The following STAG1 variants were observed in gnomAD, a reference collection of about 807,000 sequenced individuals.
STAG1 encodes the protein STAG1 cohesin complex component, also known as cohesin subunit SA-1.
In STAG1, 26 loss-of-function variants were observed where a neutral mutation model predicts 170.9. That is an observed-to-expected ratio of 0.15 (90% confidence interval 0.11 to 0.21). The LOEUF (loss-of-function observed/expected upper bound fraction) is 0.21, where lower values mean the gene tolerates loss of function less well. STAG1 is among the 10% of genes least tolerant of loss of function. STAG1 has a pLI of 1.00. For synonymous variants in STAG1, 514 were observed against 497.7 expected (o/e 1.03, Z -0.44); for missense variants, 964 against 1,509.5 (o/e 0.64, Z 5.99).
At chr3:136,468,617 A>T (rs934938116) in intron 12 of STAG1, among the ~76,000 whole-genome samples, 3 of 152,230 alleles carry the variant, frequency 2.0e-5, no homozygotes, top group African/African-American at 7.2e-5. Context: ...AAACTATTCC[A>T]ATCAACAGAA....
intron 4 of STAG1, among the ~76,000 whole-genome samples, chr3:136,572,530 T>G (rs1937300010): frequency 7.2e-6 from 1 of 138,102 alleles, no homozygotes; most frequent in Non-Finnish European, 1.5e-5. Flanking sequence ...AGGTGGAGGT[T>G]GAGGAGGAAG....
At chr3:136,536,338 C>T (rs1935620141) in intron 6 of STAG1, among the ~76,000 whole-genome samples, 1 of 152,042 alleles carries the variant, frequency 6.6e-6, no homozygotes, top group Admixed American at 6.6e-5. Flanking sequence ...AATTATATGA[C>T]CAGGGTTGTC....
chr3:136,507,687 T>C (rs1394280639), intron 7 of STAG1, among the ~76,000 whole-genome samples: 2 of 152,182 alleles, frequency 1.3e-5, no homozygotes, highest in African/African-American at 4.8e-5. Flanking sequence ...TTTTAAATCA[T>C]GTGACTATAT....
intron 26 of STAG1, among the ~76,000 whole-genome samples, chr3:136,362,605 C>CAAAAAAAAAAAAAAA (rs1237413699): frequency 2.4e-5 from 1 of 42,438 alleles, no homozygotes; most frequent in Non-Finnish European, 5.0e-5. Flanking sequence ...ATCATCTCTG[C>CAAAAAAAAAAAAAAA]AAAAAAAAAA....
At chr3:136,349,107 A>G (rs1464137413) in intron 29 of STAG1, 51 bp downstream of exon 29, 4 of 1,303,718 alleles carry the variant, frequency 3.1e-6, no homozygotes, top group Non-Finnish European at 4.4e-6. Flanking sequence ...TTACTACTTT[A>G]TCTCTTTAAA....
chr3:136,418,819 T>A (rs1418785997), intron 20 of STAG1, among the ~76,000 whole-genome samples: 1 of 151,964 alleles, frequency 6.6e-6, no homozygotes, highest in Admixed American at 6.6e-5. Flanking sequence ...TTTTTGTATT[T>A]TTGTAGACAT....
intron 6 of STAG1, among the ~76,000 whole-genome samples, chr3:136,523,327 G>A (rs527457684): frequency 2.9e-4 from 44 of 152,264 alleles, no homozygotes; most frequent in African/African-American, 1.0e-3. Flanking sequence ...CAGAGATAAT[G>A]AGCATTTTTT....
At chr3:136,645,148 T>C (rs368462719) in intron 1 of STAG1, among the ~76,000 whole-genome samples, 17 of 152,348 alleles carry the variant, frequency 1.1e-4, no homozygotes, top group Middle Eastern at 6.8e-3. Flanking sequence ...TTTTGCTTTT[T>C]AAGTCCCAAA....
intron 3 of STAG1, among the ~76,000 whole-genome samples, chr3:136,608,678 C>G (rs1576662151): frequency 6.7e-6 from 1 of 149,816 alleles, no homozygotes; most frequent in African/African-American, 2.5e-5. Flanking sequence ...GTAGTGTGTG[C>G]CTGTAGTCCC....
At chr3:136,603,345 G>C (rs1316221946) in intron 4 of STAG1, among the ~76,000 whole-genome samples, 1 of 151,956 alleles carries the variant, frequency 6.6e-6, no homozygotes, top group Non-Finnish European at 1.5e-5. Flanking sequence ...ATTTATGGGA[G>C]AGAAATACAG....
intron 1 of STAG1, among the ~76,000 whole-genome samples, chr3:136,730,453 A>T (rs1170211865): frequency 6.6e-6 from 1 of 152,218 alleles, no homozygotes; most frequent in African/African-American, 2.4e-5. Context: ...CATTGGGAAA[A>T]GGTACTTAAC....
intron 15 of STAG1, among the ~76,000 whole-genome samples, chr3:136,434,246 A>G (rs1172353614): frequency 4.6e-5 from 7 of 152,174 alleles, no homozygotes; most frequent in Non-Finnish European, 1.0e-4. Context: ...TAATGGATTC[A>G]AATGGCAAGA....
intron 6 of STAG1, among the ~76,000 whole-genome samples, chr3:136,524,434 C>T (rs1452142609): frequency 1.4e-4 from 21 of 152,114 alleles, no homozygotes; most frequent in Non-Finnish European, 2.1e-4. Flanking sequence ...GTGATTTTTC[C>T]ACATTGATTT....
At chr3:136,492,732 C>T (rs947438775) in intron 9 of STAG1, among the ~76,000 whole-genome samples, 3 of 152,140 alleles carry the variant, frequency 2.0e-5, no homozygotes, top group Non-Finnish European at 4.4e-5. Context: ...AAGGGAATAA[C>T]ACGATACAAT....
At chr3:136,599,954 G>A (rs952449024) in intron 4 of STAG1, among the ~76,000 whole-genome samples, 8 of 152,230 alleles carry the variant, frequency 5.3e-5, no homozygotes, top group African/African-American at 1.9e-4. Context: ...GGCAGAACCA[G>A]ATCATATAAA....
Position 136,568,787 on chromosome 3 carries a change from A to T in STAG1, c.372T>A (p.Phe124Leu). ...TACCTCGACATCCTGAACACTGGATAAAAAAGTTGATTAAATCCAGAAGTG... is the reference window on the plus strand; with the variant it reads ...TACCTCGACATCCTGAACACTGGATTAAAAAGTTGATTAAATCCAGAAGTG... ...DIALLDLINF[F>L]IQCSGCRGTV... The change falls in exon 5 of 34, where the codon TTT becomes TTA. Residue 124 changes from phenylalanine to leucine, a missense_variant. Physicochemically the swap from Phe to Leu is conservative, Grantham distance 22 (BLOSUM62 0). Transcript: ENST00000383202. The T allele has an allele frequency of 6.2e-7, 1 of 1,611,988 alleles. No homozygotes were observed. Among genetic ancestry groups the T allele is most frequent in the Non-Finnish European group, 8.5e-7 (1 of 1,179,034 alleles).
At chr3:136,646,775 G>T (rs1428947341) in intron 1 of STAG1, among the ~76,000 whole-genome samples, 1 of 151,984 alleles carries the variant, frequency 6.6e-6, no homozygotes, top group African/African-American at 2.4e-5. Flanking sequence ...GCATGGTGGT[G>T]CATGCCTGTA....
chr3:136,712,305 C>G (rs918871795), intron 1 of STAG1, among the ~76,000 whole-genome samples: 1 of 152,020 alleles, frequency 6.6e-6, no homozygotes, highest in East Asian at 1.9e-4. Flanking sequence ...TGTGAGCCAC[C>G]GCACCCAGCC....
At chr3:136,690,032 T>C (rs1339083313) in intron 1 of STAG1, among the ~76,000 whole-genome samples, 5 of 132,716 alleles carry the variant, frequency 3.8e-5, no homozygotes, top group African/African-American at 1.5e-4. Context: ...AGGGTGAGAT[T>C]CTGTAACAAA....
Sources: allele counts gnomAD v4.1 joint callset (sites outside exome capture counted in the v4.1 genomes callset), GRCh38; gene constraint gnomAD v4.1.1; transcripts MANE v1.5; gene names NCBI Gene and HGNC (gene_info 2026-07-23, HGNC 2026-07-21).